DGCR2: variants seen among roughly 807,000 people sequenced by gnomAD.
DGCR2 encodes integral membrane protein DGCR2/IDD.
Under a neutral mutation model 51.6 loss-of-function variants are expected in DGCR2, and 24 were observed. The observed-to-expected ratio is 0.47, with a 90% CI of 0.34 to 0.65. DGCR2 has a LOEUF of 0.65. DGCR2 is among the 30% of genes least tolerant of loss of function. The pLI is 0.01. For missense variants in DGCR2, 765 were observed against 772.1 expected, an observed-to-expected ratio of 0.99 and a Z score of 0.11; for synonymous variants, 340 against 315.4, an observed-to-expected ratio of 1.08 and a Z score of -0.82.
intron 1 of DGCR2, among the ~76,000 whole-genome samples, chr22:19,103,887 A>G (rs2083233853): frequency 6.6e-6 from 1 of 151,786 alleles, no homozygotes; most frequent in South Asian, 2.1e-4. Flanking sequence ...CTCTACAAAT[A>G]AAATAAAATA....
chr22:19,093,479 C>G (rs2083103179), intron 1 of DGCR2, among the ~76,000 whole-genome samples: 1 of 151,842 alleles, frequency 6.6e-6, no homozygotes, highest in African/African-American at 2.4e-5. Context: ...TAAGCAAATA[C>G]CTTTAATATA....
At chr22:19,098,506 C>CA (rs1360506778) in intron 1 of DGCR2, among the ~76,000 whole-genome samples, 36 of 150,496 alleles carry the variant, frequency 2.4e-4, no homozygotes, top group East Asian at 3.9e-4. Context: ...TAGCGAAAAA[C>CA]AAAAAAAAAC....
intron 1 of DGCR2, among the ~76,000 whole-genome samples, chr22:19,095,749 A>G (rs868329033): frequency 6.6e-6 from 1 of 150,912 alleles, no homozygotes; most frequent in African/African-American, 2.4e-5. Context: ...TTTTTTAACT[A>G]TCATGAAATA....
chr22:19,062,779 A>ATTCATTCTCTCTCTCTCTCCTCTCT, intron 5 of DGCR2, among the ~76,000 whole-genome samples: 1 of 127,354 alleles, frequency 7.9e-6, no homozygotes, highest in Non-Finnish European at 1.8e-5. Context: ...ATGCATGCTC[A>ATTCATTCTCTCTCTCTCTCCTCTCT]CTCTCTCTCT....
At chr22:19,093,598 C>T (rs1417091764) in intron 1 of DGCR2, among the ~76,000 whole-genome samples, 1 of 152,114 alleles carries the variant, frequency 6.6e-6, no homozygotes, top group Non-Finnish European at 1.5e-5. Flanking sequence ...ACAAACCACA[C>T]ACAGAGAGAA....
chr22:19,058,831 C>T (rs894856611), intron 5 of DGCR2, among the ~76,000 whole-genome samples: 5 of 152,214 alleles, frequency 3.3e-5, no homozygotes, highest in Non-Finnish European at 7.3e-5. Flanking sequence ...ACCAGCAAAA[C>T]AGGGTTCGTG....
intron 2 of DGCR2, among the ~76,000 whole-genome samples, chr22:19,073,320 A>G (rs193107413): frequency 2.0e-5 from 3 of 152,348 alleles, no homozygotes; most frequent in Admixed American, 2.0e-4. Context: ...AAGATTTGGC[A>G]GAAGTTATAG....
chr22:19,041,584 C>T (rs555669934), intron 8 of DGCR2: 1 of 616,898 alleles, frequency 1.6e-6, no homozygotes, highest in African/African-American at 1.8e-5. Context: ...GGGCCTCTGA[C>T]CCTCAGAGGC....
intron 1 of DGCR2, among the ~76,000 whole-genome samples, chr22:19,108,589 A>T (rs1601303969): frequency 2.1e-5 from 1 of 46,876 alleles, no homozygotes. Flanking sequence ...AAAAAAAAAA[A>T]AAAAAAAAAA....
At chr22:19,081,173 A>G (rs1277035943) in intron 2 of DGCR2, among the ~76,000 whole-genome samples, 1 of 152,256 alleles carries the variant, frequency 6.6e-6, no homozygotes, top group Non-Finnish European at 1.5e-5. Context: ...GAATGTATGT[A>G]GCACACATGT....
At chr22:19,108,074 A>G (rs557846097) in intron 1 of DGCR2, among the ~76,000 whole-genome samples, 1 of 152,298 alleles carries the variant, frequency 6.6e-6, no homozygotes, top group East Asian at 1.9e-4. Context: ...TGTACAGGAC[A>G]CAAGTGAGAA....
intron 1 of DGCR2, among the ~76,000 whole-genome samples, chr22:19,103,718 G>A (rs1204466471): frequency 2.2e-5 from 3 of 136,086 alleles, no homozygotes; most frequent in Non-Finnish European, 3.1e-5. Flanking sequence ...GTGAGCCACC[G>A]TGCCCGGCCA....
intron 2 of DGCR2, among the ~76,000 whole-genome samples, chr22:19,086,270 G>C (rs2083014221): frequency 6.6e-6 from 1 of 152,058 alleles, no homozygotes. Context: ...AAGGTCAGGA[G>C]ATCGAGACGA....
intron 2 of DGCR2, among the ~76,000 whole-genome samples, chr22:19,069,899 A>G (rs2082794644): frequency 1.3e-5 from 2 of 152,280 alleles, no homozygotes; most frequent in South Asian, 4.1e-4. Context: ...AAAATATGCT[A>G]CCTGTGTCCG....
chr22:19,051,760 G>A (rs965677581), intron 6 of DGCR2, among the ~76,000 whole-genome samples: 2 of 152,110 alleles, frequency 1.3e-5, no homozygotes, highest in African/African-American at 2.4e-5. Context: ...AAGAGAAAAC[G>A]GAAGAATAAT....
At chr22:19,082,220 T>TAC (rs2082946772) in intron 2 of DGCR2, among the ~76,000 whole-genome samples, 1 of 137,132 alleles carries the variant, frequency 7.3e-6, no homozygotes, top group African/African-American at 2.8e-5. Flanking sequence ...GGCTAATTAT[T>TAC]TCTTTTTTTT....
chr22:19,037,414 C>G lies in DGCR2; in HGVS notation c.*1451G>C, dbSNP rs555980189. The G allele has an allele frequency of 6.6e-6, 1 of 152,268 alleles. No homozygotes were observed. Among genetic ancestry groups the G allele is most frequent in the African/African-American group, 2.4e-5 (1 of 41,504 alleles). The allele number at this position is 152,268 out of a possible 1,614,324, so 9.4% of individuals were successfully genotyped here. A position where few individuals can be genotyped will look rare whatever the true frequency, so the allele number is the denominator to read the frequency against. ...ACTGTGCATGGAGTCCATCCCCGAG[C>G]AGCACCACAGAACTGCATGCTTCAG... On this transcript the variant is annotated 3_prime_UTR_variant, in exon 10 of 10. Coordinates refer to ENST00000263196, the MANE Select transcript of DGCR2 (RefSeq NM_005137.3).
chr22:19,084,970 G>A (rs183433910), intron 2 of DGCR2, among the ~76,000 whole-genome samples: 14,257 of 152,112 alleles, frequency 0.094, 702 homozygotes, highest in Middle Eastern at 0.14. Flanking sequence ...TGACAATGGT[G>A]GTTTTGTGGA....
intron 1 of DGCR2, among the ~76,000 whole-genome samples, chr22:19,112,568 C>T (rs2083328681): frequency 7.0e-6 from 1 of 143,456 alleles, no homozygotes; most frequent in African/African-American, 2.6e-5. Context: ...CAGTCCCCTC[C>T]AAGTAGCTGG....
Sources: gnomAD v4.1 joint callset for allele counts (sites outside exome capture counted in the v4.1 genomes callset) on GRCh38, gnomAD v4.1.1 for gene constraint, MANE v1.5 for transcripts, NCBI Gene and HGNC (gene_info 2026-07-23, HGNC 2026-07-21) for gene names.